THADA: variants seen among roughly 807,000 people sequenced by gnomAD.
The protein encoded by THADA is THADA armadillo repeat containing, also known as tRNA (32-2'-O)-methyltransferase regulator THADA.
Under a neutral mutation model 219.8 loss-of-function variants are expected in THADA, and 213 were observed. The ratio of observed to expected loss-of-function variants is 0.97; its 90% CI spans 0.87 to 1.09. The LOEUF (loss-of-function observed/expected upper bound fraction) is 1.09, where lower values mean the gene tolerates loss of function less well. Ranked by LOEUF, THADA falls within the 50% of genes least tolerant of loss-of-function variation. The pLI is 0.00. For synonymous variants in THADA, 1,018 were observed against 828.9 expected (o/e 1.23, Z -3.92); for missense variants, 2,956 against 2,311.3 (o/e 1.28, Z -5.72).
chr2:43,251,333 A>G (rs1224010581), intron 36 of THADA, among the ~76,000 whole-genome samples: 1 of 152,196 alleles, frequency 6.6e-6, no homozygotes, highest in Non-Finnish European at 1.5e-5. Flanking sequence ...CTTTTTCATG[A>G]AGGCTTTTAA....
chr2:43,437,567 A>G (rs535780667), intron 26 of THADA, among the ~76,000 whole-genome samples: 2 of 152,318 alleles, frequency 1.3e-5, no homozygotes, highest in South Asian at 4.1e-4. Flanking sequence ...ACTTAGATTA[A>G]TCGAAGGAGC....
At chr2:43,575,052 A>G in intron 10 of THADA, 25 bp from the exon 11 acceptor site, 1 of 1,550,624 alleles carries the variant, frequency 6.4e-7, no homozygotes, top group Non-Finnish European at 8.7e-7. Flanking sequence ...GCCATGAGCC[A>G]TTATTGTAAA....
At chr2:43,243,365 G>A (rs1391772888) in intron 36 of THADA, among the ~76,000 whole-genome samples, 1 of 152,206 alleles carries the variant, frequency 6.6e-6, no homozygotes, top group Non-Finnish European at 1.5e-5. Context: ...AGGGGCTAGA[G>A]ATGCTACTCA....
rs146882349 is a variant in THADA, at chr2:43,542,631, T to A, written c.3107-1315A>T. Among the ~76,000 whole-genome samples, 13 of 152,348 alleles carry A rather than the reference T, an allele frequency of 8.5e-5. 1 individual carries two copies. The East Asian group carries it at 2.3e-3, about 27-fold the overall frequency. On this transcript the variant is annotated intron_variant, in intron 20 of 37. Coordinates refer to ENST00000405975, the MANE Select transcript of THADA (RefSeq NM_022065.5). Reference sequence around the variant, plus strand: ...AACAAAGCAGCTCCCATTTTACTAATAAGGTTTGTTTCCTTTAAAAGCCTG... The same window carrying A: ...AACAAAGCAGCTCCCATTTTACTAAAAAGGTTTGTTTCCTTTAAAAGCCTG...
intron 26 of THADA, among the ~76,000 whole-genome samples, chr2:43,482,321 C>G (rs1229262948): frequency 6.6e-6 from 1 of 152,158 alleles, no homozygotes; most frequent in Non-Finnish European, 1.5e-5. Flanking sequence ...TACACACTTA[C>G]AAAGGATCCT....
In THADA at chr2:43,577,238, C is replaced by G; in HGVS notation, c.821G>C (p.Ser274Thr). 6.3e-7 allele frequency: 1 copy of G among 1,582,564 alleles called. No individual in the cohort carries two copies. Among genetic ancestry groups the G allele is most frequent in the Non-Finnish European group, 8.6e-7 (1 of 1,164,194 alleles). ...GTCCACTGAACGAAGCAGCACACTG[C>G]TAATCTGGAAAAATATAGCAGAGCT... ...HPSEKIPHLISSVLLRSVDCT... is the reference protein window; with the variant it reads ...HPSEKIPHLITSVLLRSVDCT... The change falls in exon 10 of 38, where the codon AGC becomes ACC. Residue 274 changes from serine to threonine, a missense_variant. By Grantham distance (58) the Ser-to-Thr change is moderately conservative. Coordinates refer to ENST00000405975, the MANE Select transcript of THADA (RefSeq NM_022065.5).
intron 26 of THADA, among the ~76,000 whole-genome samples, chr2:43,449,525 C>A (rs1389116693): frequency 1.3e-5 from 2 of 152,172 alleles, no homozygotes; most frequent in African/African-American, 4.8e-5. Flanking sequence ...TAAAATCAAA[C>A]TGTCAAAAGA....
Position 43,430,286 on chromosome 2 carries a change from A to C in THADA, c.3853T>G (p.Phe1285Val). The C allele has an allele frequency of 1.3e-6, 2 of 1,546,846 alleles. No individual in the cohort carries two copies. The highest frequency in any genetic ancestry group is 4.8e-5 in the East Asian group (2 of 41,600). Reference sequence around the variant, plus strand: ...TAGAGTTCTGGGAAACGAGAGAAAAACTCTCTCCCTGTCATTCTGTGAAAG... The same window carrying C: ...TAGAGTTCTGGGAAACGAGAGAAAACCTCTCTCCCTGTCATTCTGTGAAAG... ...SKTNRMTGRE[F>V]FSRFPELYPF... The change falls in exon 27 of 38, where the codon TTT becomes GTT. Residue 1285 changes from phenylalanine to valine, a missense_variant. By Grantham distance (50) the Phe-to-Val change is conservative. Coordinates refer to ENST00000405975, the MANE Select transcript of THADA (RefSeq NM_022065.5).
chr2:43,491,504 T>TATTAA (rs1687634160), intron 25 of THADA, among the ~76,000 whole-genome samples: 1 of 152,198 alleles, frequency 6.6e-6, no homozygotes, highest in African/African-American at 2.4e-5. Flanking sequence ...GGACCACATA[T>TATTAA]GTAATGATAG....
At chr2:43,409,485 C>T (rs1205109438) in intron 28 of THADA, among the ~76,000 whole-genome samples, 1 of 151,920 alleles carries the variant, frequency 6.6e-6, no homozygotes, top group Non-Finnish European at 1.5e-5. Flanking sequence ...TTTCAGCATG[C>T]CTACAGTATC....
chr2:43,422,318 G>C (rs1677812550), intron 28 of THADA, among the ~76,000 whole-genome samples: 1 of 152,160 alleles, frequency 6.6e-6, no homozygotes, highest in Non-Finnish European at 1.5e-5. Flanking sequence ...CCATTATCAT[G>C]TTGCCACTAA....
Position 43,592,447 on chromosome 2 carries a change from G to A in THADA, c.-24-31C>T, listed in dbSNP as rs896461628. ...AGAAAGAAGACTTTAAGGCATTAATGTAAGGTTTCTCAACCTCAGCACTAT... is the reference window on the plus strand; with the variant it reads ...AGAAAGAAGACTTTAAGGCATTAATATAAGGTTTCTCAACCTCAGCACTAT... On this transcript the variant is annotated intron_variant, in intron 1 of 37. Transcript: ENST00000405975. 3.0e-5 allele frequency: 40 copies of A among 1,317,030 alleles called. 1 individual carries two copies. Among genetic ancestry groups the A allele is most frequent in the Middle Eastern group, 3.6e-4 (2 of 5,516 alleles). The allele number at this position is 1,317,030 out of a possible 1,614,324, so 81.6% of individuals were successfully genotyped here.
chr2:43,377,598 G>A (rs967364835), intron 29 of THADA, among the ~76,000 whole-genome samples: 4 of 152,180 alleles, frequency 2.6e-5, no homozygotes, highest in Admixed American at 2.6e-4. Flanking sequence ...TCCATCATCT[G>A]ATCGGGGATA....
chr2:43,400,487 A>ATATATAT (rs1177742724), intron 28 of THADA, among the ~76,000 whole-genome samples: 6 of 145,390 alleles, frequency 4.1e-5, no homozygotes, highest in South Asian at 2.2e-4. Flanking sequence ...AAATATATAC[A>ATATATAT]CTAAGAAAAA....
intron 26 of THADA, among the ~76,000 whole-genome samples, chr2:43,482,362 C>T (rs953064637): frequency 2.0e-5 from 3 of 152,120 alleles, no homozygotes; most frequent in African/African-American, 7.2e-5. Context: ...GAAACAGGAA[C>T]TTCTTGTCTG....
rs1177681931 is a variant in THADA, at chr2:43,551,843, G to A, written c.2893C>T (p.Pro965Ser). ...MSYRLSTVVS[P>S]VIQSSSPEGL... ...TCAGGGGATGAGCTCTGAATGACTG[G>A]AGACACCACAGTGGAAAGCCTGTAG... Residue 965 changes from proline (P) to serine (S), a missense_variant, in exon 19 of 38, where the codon CCA becomes TCA. Transcript: ENST00000405975. 3 of 1,613,712 alleles carry A rather than the reference G, an allele frequency of 1.9e-6. No individual in the cohort carries two copies. The highest frequency in any genetic ancestry group is 2.5e-6 in the Non-Finnish European group (3 of 1,179,848).
chr2:43,580,437 C>G (rs906515056), intron 8 of THADA, among the ~76,000 whole-genome samples: 1 of 152,026 alleles, frequency 6.6e-6, no homozygotes, highest in African/African-American at 2.4e-5. Flanking sequence ...AGTAAATAAC[C>G]TCTGAAAAGT....
chr2:43,240,180 G>A (rs749357306), intron 36 of THADA, among the ~76,000 whole-genome samples: 26 of 152,322 alleles, frequency 1.7e-4, no homozygotes, highest in Non-Finnish European at 3.1e-4. Context: ...GAGAGGCAGT[G>A]AGGAGCCCAA....
intron 29 of THADA, among the ~76,000 whole-genome samples, chr2:43,348,491 G>A (rs1042696546): frequency 6.6e-6 from 1 of 152,204 alleles, no homozygotes; most frequent in Non-Finnish European, 1.5e-5. Flanking sequence ...GAGAGCCCCT[G>A]TGTTTATACT....
Sources: gnomAD v4.1 joint callset for allele counts (sites outside exome capture counted in the v4.1 genomes callset) on GRCh38, gnomAD v4.1.1 for gene constraint, MANE v1.5 for transcripts, NCBI Gene and HGNC (gene_info 2026-07-23, HGNC 2026-07-21) for gene names.